Variants in ITPR2 observed in about 807,000 individuals in gnomAD.
The protein encoded by ITPR2 is inositol 1,4,5-trisphosphate receptor type 2.
In ITPR2, 207 loss-of-function variants were observed where a neutral mutation model predicts 317.1. The ratio of observed to expected loss-of-function variants is 0.65; its 90% CI spans 0.58 to 0.73. The LOEUF (loss-of-function observed/expected upper bound fraction) is 0.73. ITPR2 is among the 30% of genes least tolerant of loss of function. The pLI is 0.00. For synonymous variants in ITPR2, 1,156 were observed against 1,149.1 expected (o/e 1.01, Z -0.12); for missense variants, 2,613 against 3,284.0 (o/e 0.80, Z 4.99).
At chr12:26,450,095 A>C (rs1359701689) in intron 45 of ITPR2, among the ~76,000 whole-genome samples, 1 of 152,128 alleles carries the variant, frequency 6.6e-6, no homozygotes, top group African/African-American at 2.4e-5. Flanking sequence ...TATGCCAAGA[A>C]CTGCTGACAA....
intron 1 of ITPR2, among the ~76,000 whole-genome samples, chr12:26,807,958 T>A (rs573613880): frequency 6.6e-6 from 1 of 152,302 alleles, no homozygotes; most frequent in South Asian, 2.1e-4. Flanking sequence ...TAAGCTGGCT[T>A]CTTTCTCTCC....
chr12:26,494,867 T>C (rs542829220), intron 38 of ITPR2, among the ~76,000 whole-genome samples: 1 of 151,138 alleles, frequency 6.6e-6, no homozygotes, highest in East Asian at 1.9e-4. Context: ...TGTGATTAAA[T>C]GTTTTTCTTA....
intron 55 of ITPR2, among the ~76,000 whole-genome samples, chr12:26,379,579 C>T (rs556138988): frequency 3.3e-5 from 5 of 152,204 alleles, no homozygotes; most frequent in East Asian, 3.9e-4. Flanking sequence ...CTCTCATAAG[C>T]CCTCCAAATA....
At chr12:26,717,072 C>T (rs1948752015) in intron 5 of ITPR2, among the ~76,000 whole-genome samples, 1 of 152,096 alleles carries the variant, frequency 6.6e-6, no homozygotes, top group Non-Finnish European at 1.5e-5. Context: ...AAGTTACTTA[C>T]ATTGCTGAAT....
chr12:26,633,864 C>G (rs1012093586), intron 21 of ITPR2, among the ~76,000 whole-genome samples: 3 of 152,204 alleles, frequency 2.0e-5, no homozygotes, highest in Non-Finnish European at 4.4e-5. Context: ...ACCCCTGATT[C>G]ACACACAAAT....
intron 26 of ITPR2, among the ~76,000 whole-genome samples, chr12:26,613,936 A>T (rs1946323975): frequency 6.6e-6 from 1 of 152,154 alleles, no homozygotes; most frequent in Non-Finnish European, 1.5e-5. Context: ...AGGCAAATAA[A>T]ATCTCAATAA....
At chr12:26,562,917 TAA>T (rs78796600) in intron 34 of ITPR2, among the ~76,000 whole-genome samples, 5 of 130,158 alleles carry the variant, frequency 3.8e-5, no homozygotes, top group Non-Finnish European at 3.3e-5. Flanking sequence ...AAAGTATAAT[TAA>T]AAAAAAAAAG....
intron 2 of ITPR2, among the ~76,000 whole-genome samples, chr12:26,767,148 C>T (rs1031724517): frequency 1.3e-5 from 2 of 152,158 alleles, no homozygotes; most frequent in African/African-American, 4.8e-5. Context: ...CTGCAGCAGG[C>T]CGGCCTCCTT....
chr12:26,557,110 T>C (rs1010686417), intron 35 of ITPR2, among the ~76,000 whole-genome samples: 14 of 152,096 alleles, frequency 9.2e-5, no homozygotes, highest in African/African-American at 3.1e-4. Context: ...CCATGTGTCA[T>C]TGGTCATTCA....
chr12:26,738,962 G>C (rs1357827055), intron 2 of ITPR2, among the ~76,000 whole-genome samples: 1 of 152,174 alleles, frequency 6.6e-6, no homozygotes, highest in Non-Finnish European at 1.5e-5. Flanking sequence ...AATACAGAAA[G>C]TGCTTTTACA....
chr12:26,681,750 T>C, intron 13 of ITPR2, 124 bp downstream of exon 13: 1 of 633,000 alleles, frequency 1.6e-6, no homozygotes. Context: ...TCCCATCTCA[T>C]TCAGAAGCAA....
chr12:26,818,529 A>G (rs12310344), intron 1 of ITPR2, among the ~76,000 whole-genome samples: 6,851 of 152,326 alleles, frequency 0.045, 425 homozygotes, highest in African/African-American at 0.14. Flanking sequence ...AAAGGAAGAA[A>G]GGTAAATAAA....
At chr12:26,760,151 C>T (rs1424146467) in intron 2 of ITPR2, among the ~76,000 whole-genome samples, 2 of 152,190 alleles carry the variant, frequency 1.3e-5, no homozygotes, top group Non-Finnish European at 2.9e-5. Flanking sequence ...ACTCAGGGTG[C>T]AGCAAATTCA....
chr12:26,755,118 C>G (rs922569364), intron 2 of ITPR2, among the ~76,000 whole-genome samples: 1 of 152,240 alleles, frequency 6.6e-6, no homozygotes, highest in African/African-American at 2.4e-5. Flanking sequence ...TCTAATATGA[C>G]TTAGTGTATG....
chr12:26,411,561 T>C, intron 51 of ITPR2, 149 bp from the exon 52 acceptor site: 1 of 609,276 alleles, frequency 1.6e-6, no homozygotes, highest in Non-Finnish European at 2.8e-6. Flanking sequence ...TATGGAATTC[T>C]GAACACAGTT....
At chr12:26,698,416 A>G (rs1001438986) in intron 9 of ITPR2, among the ~76,000 whole-genome samples, 1 of 152,276 alleles carries the variant, frequency 6.6e-6, no homozygotes, top group Non-Finnish European at 1.5e-5. Context: ...GCGACAACCA[A>G]GAATGAATCT....
intron 37 of ITPR2, among the ~76,000 whole-genome samples, chr12:26,501,106 T>C (rs1943061076): frequency 1.3e-5 from 2 of 152,200 alleles, no homozygotes; most frequent in Admixed American, 1.3e-4. Flanking sequence ...TTAAGACTTA[T>C]CCTCAAAGAT....
chr12:26,454,221 T>G (rs2136766135), intron 45 of ITPR2, among the ~76,000 whole-genome samples: 1 of 152,344 alleles, frequency 6.6e-6, no homozygotes. Flanking sequence ...TTGTTTGTTT[T>G]TTGAGACAGA....
chr12:26,438,826 G>A (rs953678327), intron 47 of ITPR2, among the ~76,000 whole-genome samples: 1 of 152,154 alleles, frequency 6.6e-6, no homozygotes, highest in Non-Finnish European at 1.5e-5. Context: ...CTTCAAACCT[G>A]TGGCTGTTCA....
Sources: allele counts gnomAD v4.1 joint callset (sites outside exome capture counted in the v4.1 genomes callset), GRCh38; gene constraint gnomAD v4.1.1; transcripts MANE v1.5; gene names NCBI Gene and HGNC (gene_info 2026-07-23, HGNC 2026-07-21).